The following SLC35F4 variants were observed in gnomAD, a reference collection of about 807,000 sequenced individuals.
The protein encoded by SLC35F4 is chromosome 14 open reading frame 36.
SLC35F4 carries 24 observed loss-of-function variants against 44.2 expected under a neutral mutation model. That is an observed-to-expected ratio of 0.54 (90% CI 0.39 to 0.76). SLC35F4 has a LOEUF of 0.76. Among genes scored for constraint, SLC35F4 ranks in the 30% least tolerant of loss-of-function variants. SLC35F4 has a pLI of 0.00. For synonymous variants in SLC35F4, 238 were observed against 223.6 expected (o/e 1.06, Z -0.57); for missense variants, 562 against 586.1 (o/e 0.96, Z 0.42).
intron 3 of SLC35F4, among the ~76,000 whole-genome samples, chr14:57,585,029 T>TC (rs2069592541): frequency 1.3e-5 from 2 of 152,206 alleles, no homozygotes; most frequent in African/African-American, 4.8e-5. Context: ...ATATCTTTAG[T>TC]AATCTCAAAT....
At position 57,865,882 on chromosome 14, in the gene SLC35F4, C is replaced by G; in HGVS notation, c.-57G>C. The G allele has an allele frequency of 7.6e-7, 1 of 1,313,178 alleles. No individual in the cohort carries two copies. The highest frequency in any genetic ancestry group is 1.0e-6 in the Non-Finnish European group (1 of 980,912). The allele number at this position is 1,313,178 out of a possible 1,614,324, so 81.3% of individuals were successfully genotyped here. A position where few individuals can be genotyped will look rare whatever the true frequency, so the allele number is the denominator to read the frequency against. On this transcript the variant is annotated 5_prime_UTR_variant, in exon 1 of 8. Coordinates refer to ENST00000556826, the MANE Select transcript of SLC35F4 (RefSeq NM_001306087.2). ...CGGGGCGGAGAGCGCAGCGCGGGGC[C>G]CGGGAGCTGGTGCAGGTGCCGGAGC...
At chr14:57,875,159 C>G (rs989013335) in intron 1 of SLC35F4, among the ~76,000 whole-genome samples, 6 of 152,142 alleles carry the variant, frequency 3.9e-5, no homozygotes, top group Non-Finnish European at 7.4e-5. Context: ...TGAATCTCCT[C>G]TTTATGTGTA....
At chr14:57,854,503 A>G (rs574025818) in intron 1 of SLC35F4, among the ~76,000 whole-genome samples, 1 of 152,310 alleles carries the variant, frequency 6.6e-6, no homozygotes, top group Admixed American at 6.5e-5. Context: ...GCTACTTCCA[A>G]TGGACATTCC....
intron 1 of SLC35F4, among the ~76,000 whole-genome samples, chr14:57,696,960 C>T (rs1314708560): frequency 6.6e-6 from 1 of 152,132 alleles, no homozygotes; most frequent in Non-Finnish European, 1.5e-5. Context: ...AGGACAAATA[C>T]TTAATGCATG....
chr14:57,969,466 AAG>A (rs1880987225), intron 1 of SLC35F4, among the ~76,000 whole-genome samples: 1 of 152,216 alleles, frequency 6.6e-6, no homozygotes, highest in African/African-American at 2.4e-5. Context: ...TATAATATGA[AAG>A]AGAAATTTTT....
At position 57,671,612 on chromosome 14, in the gene SLC35F4, G is replaced by A. The variant is rs542153765; in HGVS notation, c.104-77488C>T. 3.0e-4 allele frequency among the ~76,000 whole-genome samples: 46 copies of A among 152,020 alleles called. 1 individual carries two copies. Among genetic ancestry groups the A allele is most frequent in the African/African-American group, 9.9e-4 (41 of 41,390 alleles). On this transcript the variant is annotated intron_variant, in intron 1 of 7. Transcript: ENST00000556826. ...GGCACTATATCAAGGGCCTTGGGTG[G>A]GATTCTGATATTTGCTGACTTCAAG...
chr14:57,711,049 C>T (rs112155973), intron 1 of SLC35F4, among the ~76,000 whole-genome samples: 7,832 of 152,080 alleles, frequency 0.051, 321 homozygotes, highest in Non-Finnish European at 0.074. Flanking sequence ...GCTGTGTCCC[C>T]ACCCAAATCT....
intron 1 of SLC35F4, among the ~76,000 whole-genome samples, chr14:57,787,786 C>A (rs1396872996): frequency 6.6e-6 from 1 of 152,152 alleles, no homozygotes; most frequent in African/African-American, 2.4e-5. Context: ...ATCCTGGAAA[C>A]ACATCAAAAC....
intron 1 of SLC35F4, among the ~76,000 whole-genome samples, chr14:57,882,797 GC>G (rs1307838185): frequency 2.6e-5 from 4 of 150,998 alleles, no homozygotes; most frequent in Non-Finnish European, 5.9e-5. Context: ...ATTTTTTTTT[GC>G]CCAAATTCTT....
intron 1 of SLC35F4, among the ~76,000 whole-genome samples, chr14:57,967,245 TATAA>T (rs35666391): frequency 0.036 from 5,474 of 152,206 alleles, 310 homozygotes; most frequent in African/African-American, 0.13. Flanking sequence ...ATTGTGTAAG[TATAA>T]ATAAATAAAT....
intron 1 of SLC35F4, among the ~76,000 whole-genome samples, chr14:57,881,243 G>A (rs747728379): frequency 6.6e-6 from 1 of 152,090 alleles, no homozygotes; most frequent in South Asian, 2.1e-4. Context: ...TACTTAAGGT[G>A]CCTTTTGCAC....
At chr14:57,867,699 T>C (rs1476821368), upstream of SLC35F4, among the ~76,000 whole-genome samples, 2 of 152,070 alleles carry the variant, frequency 1.3e-5, no homozygotes, top group Non-Finnish European at 2.9e-5. Context: ...CATGGTAAAA[T>C]GTGTTCATCA....
At chr14:57,922,196 GGTCA>G (rs1228822505) in intron 1 of SLC35F4, among the ~76,000 whole-genome samples, 1 of 152,088 alleles carries the variant, frequency 6.6e-6, no homozygotes, top group Non-Finnish European at 1.5e-5. Flanking sequence ...TTGTTTTCTG[GGTCA>G]GTGATTCTCA....
At chr14:57,647,378 T>C (rs949287868) in intron 1 of SLC35F4, among the ~76,000 whole-genome samples, 4 of 152,196 alleles carry the variant, frequency 2.6e-5, no homozygotes, top group African/African-American at 2.4e-5. Flanking sequence ...CATTATGTGA[T>C]GGCCTTCTTT....
chr14:57,814,742 T>C (rs973887898), intron 1 of SLC35F4, among the ~76,000 whole-genome samples: 3 of 152,190 alleles, frequency 2.0e-5, no homozygotes, highest in Non-Finnish European at 4.4e-5. Flanking sequence ...GCACTGATTG[T>C]CATGTCCAAA....
chr14:57,920,993 C>A (rs1192989500), intron 1 of SLC35F4, among the ~76,000 whole-genome samples: 2 of 152,154 alleles, frequency 1.3e-5, no homozygotes, highest in East Asian at 3.9e-4. Flanking sequence ...AAAGGAAGAA[C>A]AATTGAAGAT....
chr14:57,616,647 T>C (rs2071848498), intron 1 of SLC35F4, among the ~76,000 whole-genome samples: 2 of 152,208 alleles, frequency 1.3e-5, no homozygotes, highest in South Asian at 4.1e-4. Flanking sequence ...CTTTACTGTC[T>C]ACTGTCTCCA....
chr14:57,584,579 TCTG>T (rs1431136706), intron 3 of SLC35F4, among the ~76,000 whole-genome samples: 15 of 152,174 alleles, frequency 9.9e-5, no homozygotes, highest in African/African-American at 3.4e-4. Context: ...GATAGTATTT[TCTG>T]CTTGACAATA....
intron 1 of SLC35F4, among the ~76,000 whole-genome samples, chr14:57,922,070 C>G (rs1323548854): frequency 6.6e-6 from 1 of 152,192 alleles, no homozygotes; most frequent in Non-Finnish European, 1.5e-5. Flanking sequence ...GGCTCTGCTG[C>G]TAGATGAGAT....
Sources: gnomAD v4.1 joint callset for allele counts (sites outside exome capture counted in the v4.1 genomes callset) on GRCh38, gnomAD v4.1.1 for gene constraint, MANE v1.5 for transcripts, NCBI Gene and HGNC (gene_info 2026-07-23, HGNC 2026-07-21) for gene names.